The following HS6ST3 variants were observed in gnomAD, a reference collection of about 807,000 sequenced individuals.
The protein encoded by HS6ST3 is heparan-sulfate 6-O-sulfotransferase 3.
In HS6ST3, 12 loss-of-function variants were observed where a neutral mutation model predicts 36.7. The observed-to-expected ratio is 0.33, with a 90% CI of 0.21 to 0.53. The LOEUF (loss-of-function observed/expected upper bound fraction) is 0.53, where lower values mean the gene tolerates loss of function less well. HS6ST3 is among the 20% of genes least tolerant of loss of function. HS6ST3 has a pLI of 0.95. For synonymous variants in HS6ST3, 240 were observed against 257.5 expected, an observed-to-expected ratio of 0.93 and a Z score of 0.65; for missense variants, 584 against 640.9, an observed-to-expected ratio of 0.91 and a Z score of 0.96.
intron 1 of HS6ST3, among the ~76,000 whole-genome samples, chr13:96,479,449 T>C (rs1315930636): frequency 6.6e-6 from 1 of 152,152 alleles, no homozygotes; most frequent in East Asian, 1.9e-4. Flanking sequence ...TGAATGATTT[T>C]AGGTAAAGAA....
chr13:96,545,435 G>C (rs1040094135), intron 1 of HS6ST3, among the ~76,000 whole-genome samples: 1 of 152,130 alleles, frequency 6.6e-6, no homozygotes, highest in Non-Finnish European at 1.5e-5. Flanking sequence ...AAAAACCTAG[G>C]AAATATTTTA....
intron 1 of HS6ST3, among the ~76,000 whole-genome samples, chr13:96,274,151 A>G (rs2054736161): frequency 6.6e-6 from 1 of 151,350 alleles, no homozygotes; most frequent in Non-Finnish European, 1.5e-5. Context: ...TTTCTTATTA[A>G]GGCCAACTTT....
At chr13:96,132,121 TACACACACAC>T (rs60692669) in intron 1 of HS6ST3, among the ~76,000 whole-genome samples, 2,474 of 134,508 alleles carry the variant, frequency 0.018, 26 homozygotes, top group South Asian at 0.049. Context: ...AGTATTCCAG[TACACACACAC>T]ACACACACAC....
chr13:96,831,292 C>G (rs1878774484), intron 1 of HS6ST3, among the ~76,000 whole-genome samples: 1 of 152,098 alleles, frequency 6.6e-6, no homozygotes, highest in Admixed American at 6.5e-5. Flanking sequence ...AGATCTGTGA[C>G]TGTAATAACC....
chr13:96,249,793 A>C (rs1166087780), intron 1 of HS6ST3, among the ~76,000 whole-genome samples: 1 of 152,206 alleles, frequency 6.6e-6, no homozygotes, highest in Non-Finnish European at 1.5e-5. Context: ...GATGTATGCT[A>C]CAACATGATG....
chr13:96,291,633 C>A lies in HS6ST3; in HGVS notation c.707+200064C>A, dbSNP rs984316555. Among the ~76,000 whole-genome samples the A allele has an allele frequency of 4.6e-5, 7 of 152,100 alleles. No individual in the cohort carries two copies. In the South Asian group the frequency reaches 1.2e-3, roughly 27 times the overall value. ...AATGCATTTATTTAAAACAATTATTCTCAGAAGATAAAACTCTTTTCGTTT... is the reference window on the plus strand; with the variant it reads ...AATGCATTTATTTAAAACAATTATTATCAGAAGATAAAACTCTTTTCGTTT... On this transcript the variant is annotated intron_variant, in intron 1 of 1. Transcript: ENST00000376705.
intron 1 of HS6ST3, among the ~76,000 whole-genome samples, chr13:96,691,001 A>G (rs1269419513): frequency 2.6e-5 from 4 of 152,118 alleles, no homozygotes; most frequent in Non-Finnish European, 5.9e-5. Context: ...CATCCCATAG[A>G]GAATTCATCA....
chr13:96,460,892 G>A (rs1378373408), intron 1 of HS6ST3, among the ~76,000 whole-genome samples: 3 of 152,180 alleles, frequency 2.0e-5, no homozygotes, highest in Admixed American at 6.5e-5. Context: ...CAATGCATGG[G>A]AGCTGGACAT....
At chr13:96,529,010 A>G (rs1365113778) in intron 1 of HS6ST3, among the ~76,000 whole-genome samples, 2 of 152,138 alleles carry the variant, frequency 1.3e-5, no homozygotes, top group African/African-American at 2.4e-5. Context: ...TATATTTACT[A>G]TTGCCATTTA....
In HS6ST3 at chr13:96,658,296, T is replaced by TTTTTTTTTTTTC. The variant is rs1467303957; in HGVS notation, c.708-174192_708-174191insTTTTTTTTTCTT. ...TTTTTTTTTTTTTTTTTTTTTTTTT[T>TTTTTTTTTTTTC]TTGAGATGGCGTCTCACTCTGTTAC... On this transcript the variant is annotated intron_variant, in intron 1 of 1. Coordinates refer to ENST00000376705, the MANE Select transcript of HS6ST3 (RefSeq NM_153456.4). 9.0e-4 allele frequency among the ~76,000 whole-genome samples: 79 copies of TTTTTTTTTTTTC among 87,400 alleles called. 2 individuals are homozygous for TTTTTTTTTTTTC. Among genetic ancestry groups the TTTTTTTTTTTTC allele is most frequent in the Non-Finnish European group, 1.3e-3 (53 of 41,524 alleles). 57.3% of individuals were successfully genotyped at this position (87,400 alleles called of 152,430 possible).
chr13:96,221,026 A>G (rs1428675374), intron 1 of HS6ST3, among the ~76,000 whole-genome samples: 1 of 152,196 alleles, frequency 6.6e-6, no homozygotes, highest in Admixed American at 6.5e-5. Context: ...GGGTCAAATG[A>G]ATGGATAGAA....
chr13:96,696,547 G>A (rs1316284461), intron 1 of HS6ST3, among the ~76,000 whole-genome samples: 1 of 152,212 alleles, frequency 6.6e-6, no homozygotes, highest in Non-Finnish European at 1.5e-5. Context: ...AACAGCAGAG[G>A]AAGGGGCTGA....
intron 1 of HS6ST3, among the ~76,000 whole-genome samples, chr13:96,791,919 G>A (rs963803252): frequency 2.0e-5 from 3 of 151,908 alleles, no homozygotes; most frequent in Admixed American, 6.6e-5. Context: ...GTGTCTTTAT[G>A]TATTTTATAT....
intron 1 of HS6ST3, among the ~76,000 whole-genome samples, chr13:96,265,058 C>T (rs1046311892): frequency 6.6e-6 from 1 of 152,142 alleles, no homozygotes; most frequent in Non-Finnish European, 1.5e-5. Flanking sequence ...CCACTCCATT[C>T]TTCATACCTC....
intron 1 of HS6ST3, among the ~76,000 whole-genome samples, chr13:96,407,243 A>G (rs150146810): frequency 3.3e-5 from 5 of 152,360 alleles, no homozygotes; most frequent in African/African-American, 1.2e-4. Context: ...CTTATAATAT[A>G]TAAGCCATAA....
At chr13:96,177,289 G>C (rs1056146889) in intron 1 of HS6ST3, among the ~76,000 whole-genome samples, 1 of 152,068 alleles carries the variant, frequency 6.6e-6, no homozygotes, top group African/African-American at 2.4e-5. Context: ...TCAGATTAAT[G>C]TAAATCATTC....
chr13:96,423,775 A>T (rs894024255), intron 1 of HS6ST3, among the ~76,000 whole-genome samples: 1 of 152,066 alleles, frequency 6.6e-6, no homozygotes, highest in Non-Finnish European at 1.5e-5. Context: ...CGTAGGTTTT[A>T]GAGGGATCAG....
chr13:96,526,082 A>G (rs1459327598), intron 1 of HS6ST3, among the ~76,000 whole-genome samples: 1 of 147,244 alleles, frequency 6.8e-6, no homozygotes, highest in Non-Finnish European at 1.5e-5. Flanking sequence ...GAGAAGACAT[A>G]TAGTCTGGGC....
intron 1 of HS6ST3, among the ~76,000 whole-genome samples, chr13:96,215,049 C>T (rs573464617): frequency 6.6e-6 from 1 of 152,214 alleles, no homozygotes; most frequent in Non-Finnish European, 1.5e-5. Context: ...GGGAGGGGGT[C>T]GTCAAACCAC....
Sources: allele counts gnomAD v4.1 joint callset (sites outside exome capture counted in the v4.1 genomes callset), GRCh38; gene constraint gnomAD v4.1.1; transcripts MANE v1.5; gene names NCBI Gene and HGNC (gene_info 2026-07-23, HGNC 2026-07-21).